RBMS3: variants seen among roughly 807,000 people sequenced by gnomAD.
RBMS3 encodes the protein RNA binding motif single stranded interacting protein 3.
RBMS3 carries 27 observed loss-of-function variants against 66.8 expected under a neutral mutation model. The ratio of observed to expected loss-of-function variants is 0.40; its 90% CI spans 0.30 to 0.56. The LOEUF is 0.56. Ranked by LOEUF, RBMS3 falls within the 20% of genes least tolerant of loss-of-function variation. RBMS3 has a pLI of 0.40. For missense variants in RBMS3, 513 were observed against 549.5 expected, an observed-to-expected ratio of 0.93 and a Z score of 0.66; for synonymous variants, 188 against 183.0, an observed-to-expected ratio of 1.03 and a Z score of -0.22.
At chr3:29,358,681 T>G (rs149870147) in intron 1 of RBMS3, among the ~76,000 whole-genome samples, 1,534 of 152,352 alleles carry the variant, frequency 0.01, 32 homozygotes, top group African/African-American at 0.034. Flanking sequence ...TCCATGAACA[T>G]GGAATGTTCT....
At chr3:29,855,354 G>A (rs2059045157) in intron 6 of RBMS3, among the ~76,000 whole-genome samples, 1 of 151,956 alleles carries the variant, frequency 6.6e-6, no homozygotes, top group Non-Finnish European at 1.5e-5. Flanking sequence ...TTTCCTATAA[G>A]GAAAGCTTTT....
chr3:29,969,442 A>C (rs1163359877), intron 12 of RBMS3, among the ~76,000 whole-genome samples: 1 of 152,182 alleles, frequency 6.6e-6, no homozygotes, highest in East Asian at 1.9e-4. Flanking sequence ...ATATCACTAC[A>C]TGTTTTTTTC....
chr3:29,984,437 T>C (rs746665927), intron 12 of RBMS3, among the ~76,000 whole-genome samples: 1 of 151,982 alleles, frequency 6.6e-6, no homozygotes, highest in African/African-American at 2.4e-5. Flanking sequence ...TCATTCTCTG[T>C]CCAGTTTTGT....
At position 29,357,045 on chromosome 3, in the gene RBMS3, T is replaced by A. The variant is rs182045697; in HGVS notation, c.75+75289T>A. 4.9e-3 allele frequency among the ~76,000 whole-genome samples: 740 copies of A among 152,178 alleles called. 4 individuals are homozygous for A. The highest frequency in any genetic ancestry group is 0.015 in the African/African-American group (614 of 41,550). Reference sequence around the variant, plus strand: ...GTACAATCACAGTTTTATTTTATTTTTATATATATATTTTTTATTATCCTT... The same window carrying A: ...GTACAATCACAGTTTTATTTTATTTATATATATATATTTTTTATTATCCTT... On this transcript the variant is annotated intron_variant, in intron 1 of 14. Transcript: ENST00000383767.
At chr3:29,489,314 T>A (rs1422151567) in intron 3 of RBMS3, among the ~76,000 whole-genome samples, 1 of 152,050 alleles carries the variant, frequency 6.6e-6, no homozygotes, top group Non-Finnish European at 1.5e-5. Flanking sequence ...ACTCAGAAAC[T>A]CCTGTATATG....
chr3:29,755,445 G>T (rs1035199777), intron 5 of RBMS3, among the ~76,000 whole-genome samples: 3 of 152,312 alleles, frequency 2.0e-5, no homozygotes, highest in African/African-American at 7.2e-5. Flanking sequence ...GCTGGAAGCA[G>T]AGTTTCACTC....
intron 1 of RBMS3, among the ~76,000 whole-genome samples, chr3:29,433,882 G>A (rs1170021075): frequency 6.6e-6 from 1 of 152,176 alleles, no homozygotes; most frequent in African/African-American, 2.4e-5. Flanking sequence ...GGTTCTCCCA[G>A]GGGGAGATTC....
At chr3:29,488,530 C>A (rs1342716310) in intron 3 of RBMS3, 31 bp downstream of exon 3, 2 of 1,571,928 alleles carry the variant, frequency 1.3e-6, no homozygotes, top group South Asian at 1.1e-5. Flanking sequence ...ACCCTGAAAT[C>A]TTGCCTATGC....
At chr3:29,330,230 T>A (rs538001357) in intron 1 of RBMS3, among the ~76,000 whole-genome samples, 3 of 152,216 alleles carry the variant, frequency 2.0e-5, no homozygotes, top group African/African-American at 7.2e-5. Context: ...CGGTCTCTAT[T>A]TCTCCACACT....
chr3:29,524,520 C>A (rs555526908), intron 3 of RBMS3, among the ~76,000 whole-genome samples: 3 of 149,382 alleles, frequency 2.0e-5, no homozygotes, highest in South Asian at 4.3e-4. Flanking sequence ...CTCCGCCTCC[C>A]GGTTTCAAGC....
intron 5 of RBMS3, among the ~76,000 whole-genome samples, chr3:29,754,232 C>T (rs1346694382): frequency 6.6e-6 from 1 of 152,124 alleles, no homozygotes; most frequent in African/African-American, 2.4e-5. Flanking sequence ...GGATCACAGG[C>T]GTGAGCCACC....
intron 3 of RBMS3, among the ~76,000 whole-genome samples, chr3:29,489,751 A>T (rs1357935350): frequency 8.6e-5 from 13 of 151,260 alleles, no homozygotes; most frequent in Non-Finnish European, 1.8e-4. Context: ...AAAAAAAAAA[A>T]AAAAAAAGTA....
intron 2 of RBMS3, among the ~76,000 whole-genome samples, chr3:29,435,986 G>A (rs113279880): frequency 0.36 from 50,699 of 141,290 alleles, 9,471 homozygotes; most frequent in East Asian, 0.43. Flanking sequence ...AAAAAAAAAA[G>A]AAGACGAATC....
rs183573772 is a variant in RBMS3, at chr3:29,434,837, A to C, written c.170A>C (p.Gln57Pro). 1.2e-6 allele frequency: 2 copies of C among 1,614,192 alleles called. No individual in the cohort carries two copies. The highest frequency in any genetic ancestry group is 3.3e-5 in the Admixed American group (2 of 60,018). The change falls in exon 2 of 15, where the codon CAG (glutamine) becomes CCG (proline). Residue 57 changes from glutamine to proline, a missense_variant. By Grantham distance (76) the Gln-to-Pro change is moderately conservative (BLOSUM62 -1). Transcript: ENST00000383767. ...NNSSNNSSGEQLSKTNLYIRG... is the reference protein window; with the variant it reads ...NNSSNNSSGEPLSKTNLYIRG... ...AGCAGCAACAACAGCAGCGGGGAAC[A>C]GTTGAGTAAAACCAACCTGTACATT...
chr3:29,936,329 ATGAATAAGC>A, intron 11 of RBMS3, 133 bp downstream of exon 11: 1 of 853,394 alleles, frequency 1.2e-6, no homozygotes, highest in Non-Finnish European at 1.9e-6. Context: ...AGGTTTCAGT[ATGAATAAGC>A]TGCATTCTGC....
chr3:29,418,645 G>T (rs1328890655), intron 1 of RBMS3, among the ~76,000 whole-genome samples: 1 of 152,080 alleles, frequency 6.6e-6, no homozygotes, highest in East Asian at 1.9e-4. Context: ...CTGTGATGTA[G>T]TGTATACTTT....
At chr3:29,583,160 C>G (rs1028615108) in intron 3 of RBMS3, among the ~76,000 whole-genome samples, 1 of 152,108 alleles carries the variant, frequency 6.6e-6, no homozygotes, top group Non-Finnish European at 1.5e-5. Context: ...ATTCAGAGAA[C>G]TCTCAGGGTG....
intron 2 of RBMS3, among the ~76,000 whole-genome samples, chr3:29,472,685 T>C (rs1361874451): frequency 6.6e-6 from 1 of 151,932 alleles, no homozygotes; most frequent in Non-Finnish European, 1.5e-5. Flanking sequence ...CGTCTGGAGT[T>C]GTTCGTTCCT....
chr3:29,934,995 T>G (rs1577192958), intron 10 of RBMS3, among the ~76,000 whole-genome samples: 1 of 152,218 alleles, frequency 6.6e-6, no homozygotes, highest in South Asian at 2.1e-4. Context: ...AAAATAATGT[T>G]TAGGGAAATA....
Sources: gnomAD v4.1 joint callset for allele counts (sites outside exome capture counted in the v4.1 genomes callset) on GRCh38, gnomAD v4.1.1 for gene constraint, MANE v1.5 for transcripts, NCBI Gene and HGNC (gene_info 2026-07-23, HGNC 2026-07-21) for gene names.